Variants in LRRC75B observed in about 807,000 individuals in gnomAD.
LRRC75B encodes leucine rich repeat containing 75B, also known as leucine-rich repeat-containing protein 75B.
A neutral mutation model predicts 16.5 loss-of-function variants in LRRC75B; 20 were observed. The ratio of observed to expected loss-of-function variants is 1.21; its 90% CI spans 0.85 to 1.76. LRRC75B has a LOEUF of 1.76. LRRC75B is among the 40% of genes most tolerant of loss of function. The pLI, the probability that LRRC75B is intolerant of heterozygous loss-of-function variation, is 0.00. For missense variants in LRRC75B, 406 were observed against 417.0 expected (o/e 0.97, Z 0.23); for synonymous variants, 199 against 198.1 (o/e 1.00, Z -0.04).
At chr22:24,588,570 G>A (rs2045471465) in intron 2 of LRRC75B, 1 of 851,256 alleles carries the variant, frequency 1.2e-6, no homozygotes, top group Non-Finnish European at 1.7e-6. Context: ...GTGCCCGGCG[G>A]GAGGAAGCCC....
intron 2 of LRRC75B, chr22:24,589,363 G>A (rs934114290): frequency 5.1e-5 from 58 of 1,127,566 alleles, no homozygotes; most frequent in Non-Finnish European, 6.3e-5. Context: ...GTGAGCACCC[G>A]TCCGCAAGGG....
At chr22:24,586,472 A>G (rs2147149088) in intron 3 of LRRC75B, 61 bp from the exon 4 acceptor site, 2 of 1,523,620 alleles carry the variant, frequency 1.3e-6, no homozygotes, top group Non-Finnish European at 1.8e-6. Flanking sequence ...CACTGACCAC[A>G]GACAGTGACC....
rs1245236357 is a variant in LRRC75B at position 24,592,974 on chromosome 22, G to A, written c.66C>T (p.Gly22=). 3 of 1,167,490 alleles carry A rather than the reference G, an allele frequency of 2.6e-6. No individual in the cohort carries two copies. The highest frequency in any genetic ancestry group is 3.2e-5 in the African/African-American group (2 of 61,836). 72.3% of individuals were successfully genotyped at this position (1,167,490 alleles called of 1,614,324 possible). A position where few individuals can be genotyped will look rare whatever the true frequency, so the allele number is the denominator to read the frequency against. ...EAGSEAGAAA[G]CGPAPYERRV... ...GGCGCTCGTAGGGCGCGGGCCCGCA[G>A]CCGGCCGCCGCCCCGGCCTCAGAGC... The change falls in exon 1 of 4, where the codon GGC becomes GGT. Residue 22 remains glycine (G), a synonymous_variant. Coordinates refer to ENST00000318753, the MANE Select transcript of LRRC75B (RefSeq NM_207644.3).
chr22:24,586,201 G>A lies in LRRC75B; in HGVS notation c.633C>T (p.Thr211=), dbSNP rs763748632. The A allele has an allele frequency of 3.7e-6, 6 of 1,613,664 alleles. No homozygotes were observed. In the South Asian group the frequency reaches 6.6e-5, roughly 18 times the overall value. The change falls in exon 4 of 4, where the codon ACC becomes ACT. Residue 211 remains threonine, a synonymous_variant. Coordinates refer to ENST00000318753, the MANE Select transcript of LRRC75B (RefSeq NM_207644.3). ...LPSLWALPRL[T]QLLLNGNRLT... ...GTCGGTTGCCGTTGAGCAGGAGCTG[G>A]GTGAGGCGGGGCAGCGCCCACAGGC...
chr22:24,592,908 C>A lies in LRRC75B; in HGVS notation c.132G>T (p.Glu44Asp). Residue 44 changes from glutamate (E) to aspartate (D), a missense_variant, in exon 1 of 4, where the codon GAG (glutamate) becomes GAT (aspartate). By Grantham distance (45) the Glu-to-Asp change is conservative (BLOSUM62 2). Coordinates refer to ENST00000318753, the MANE Select transcript of LRRC75B (RefSeq NM_207644.3). ...GCTGCCGGGCGCGCTCCGGCCGCCG[C>A]TCGCGGAGCGTGGACTGGATCTCGC... Reference protein sequence around the residue: ...WLREIQSTLRERRPERARQLL... With the variant: ...WLREIQSTLRDRRPERARQLL... The A allele has an allele frequency of 7.8e-7, 1 of 1,280,058 alleles. No homozygotes were observed. Among genetic ancestry groups the A allele is most frequent in the South Asian group, 2.4e-5 (1 of 42,238 alleles). 79.3% of individuals were successfully genotyped at this position (1,280,058 alleles called of 1,614,324 possible).
In LRRC75B at chr22:24,586,333, G is replaced by A. The variant is rs201901553; in HGVS notation, c.501C>T (p.Asp167=). 4.1e-5 allele frequency: 66 copies of A among 1,613,976 alleles called. No homozygotes were observed. The Admixed American group carries it at 6.0e-4, about 15-fold the overall frequency. The part of the protein sequence containing the change: ...DLSGIPLSTQ[D]VQHITRYLSS... ...TCAGGTAGCGTGTGATGTGTTGCAC[G>A]TCCTGTGTCGACAGCGGGATGCCTG... Residue 167 remains aspartate (D), a synonymous_variant, in exon 4 of 4, where the codon GAC becomes GAT. Transcript: ENST00000318753.
intron 1 of LRRC75B, among the ~76,000 whole-genome samples, chr22:24,591,882 G>A (rs926140368): frequency 3.3e-5 from 5 of 152,196 alleles, no homozygotes; most frequent in African/African-American, 7.2e-5. Flanking sequence ...CCTCTTAAAC[G>A]GACAGCTCCA....
At chr22:24,589,639 C>G (rs1211665250) in intron 2 of LRRC75B, 182 bp downstream of exon 2, 2 of 710,242 alleles carry the variant, frequency 2.8e-6, no homozygotes, top group African/African-American at 1.8e-5. Flanking sequence ...CACACTTGCT[C>G]TAGCTGGTGG....
rs746150678 is a variant in LRRC75B, at chr22:24,586,324, G to A, written c.510C>T (p.His170=). 1.2e-6 allele frequency: 2 copies of A among 1,614,006 alleles called. No homozygotes were observed. The highest frequency in any genetic ancestry group is 1.7e-6 in the Non-Finnish European group (2 of 1,180,054). Residue 170 remains histidine, a synonymous_variant, in exon 4 of 4, where the codon CAC becomes CAT. Coordinates refer to ENST00000318753, the MANE Select transcript of LRRC75B (RefSeq NM_207644.3). The part of the protein sequence containing the change: ...GIPLSTQDVQ[H]ITRYLSSHGA... Reference sequence around the variant, plus strand: ...CATGGCTGCTCAGGTAGCGTGTGATGTGTTGCACGTCCTGTGTCGACAGCG... The same window carrying A: ...CATGGCTGCTCAGGTAGCGTGTGATATGTTGCACGTCCTGTGTCGACAGCG...
rs1362035912 is a variant in LRRC75B at position 24,592,795 on chromosome 22, T to TCCCAGACC, written c.177+60_177+67dup. Reference sequence around the variant, plus strand: ...GGCCCACAACCCATAGCCCCGCGCCTCCCAGACCCCCAGACCCCCAGACCC... The same window carrying TCCCAGACC: ...GGCCCACAACCCATAGCCCCGCGCCTCCCAGACCCCCAGACCCCCAGACCCCCAGACCC... On this transcript the variant is annotated intron_variant, in intron 1 of 3. Transcript: ENST00000318753. 8.7e-5 allele frequency: 110 copies of TCCCAGACC among 1,259,536 alleles called. 1 individual carries two copies. Among genetic ancestry groups the TCCCAGACC allele is most frequent in the African/African-American group, 4.5e-4 (28 of 61,968 alleles). 78.0% of individuals were successfully genotyped at this position (1,259,536 alleles called of 1,614,324 possible). A position where few individuals can be genotyped will look rare whatever the true frequency, so the allele number is the denominator to read the frequency against.
chr22:24,586,267 G>A lies in LRRC75B; in HGVS notation c.567C>T (p.Phe189=), dbSNP rs1467807443. Residue 189 remains phenylalanine, a synonymous_variant, in exon 4 of 4, where the codon TTC becomes TTT. Coordinates refer to ENST00000318753, the MANE Select transcript of LRRC75B (RefSeq NM_207644.3). ...GCAGCAGCTCATCACTCAGCCCCGT[G>A]AAGCTCAGGTCCAGCACCGCCAGCA... The part of the protein sequence containing the change: ...GAVLAVLDLS[F]TGLSDELLHL... The A allele has an allele frequency of 1.9e-6, 3 of 1,613,894 alleles. No homozygotes were observed. In the East Asian group the frequency reaches 6.7e-5, roughly 36 times the overall value.
At position 24,585,831 on chromosome 22, in the gene LRRC75B, A is replaced by T. The variant is rs182424182; in HGVS notation, c.*55T>A. 9.5e-6 allele frequency: 14 copies of T among 1,470,970 alleles called. No individual in the cohort carries two copies. The highest frequency in any genetic ancestry group is 1.3e-5 in the Non-Finnish European group (14 of 1,105,588). The allele number at this position is 1,470,970 out of a possible 1,614,324, so 91.1% of individuals were successfully genotyped here. A position where few individuals can be genotyped will look rare whatever the true frequency, so the allele number is the denominator to read the frequency against. ...TCCTCCTTGACCTTCATCGCCCACT[A>T]TCATGTGCTTGAGAGCATCACAAGT... On this transcript the variant is annotated 3_prime_UTR_variant, in exon 4 of 4. Coordinates refer to ENST00000318753, the MANE Select transcript of LRRC75B (RefSeq NM_207644.3).
At position 24,588,201 on chromosome 22, in the gene LRRC75B, G is replaced by A; in HGVS notation, c.422+13C>T. Reference sequence around the variant, plus strand: ...GCAGCAGTGAGGAGGGGCAGTGGCTGGGCTACCCTTACCAGCTCTGGGTCT... The same window carrying A: ...GCAGCAGTGAGGAGGGGCAGTGGCTAGGCTACCCTTACCAGCTCTGGGTCT... On this transcript the variant is annotated intron_variant, in intron 3 of 3. Transcript: ENST00000318753. The A allele has an allele frequency of 6.3e-7, 1 of 1,599,552 alleles. No homozygotes were observed. The highest frequency in any genetic ancestry group is 8.6e-7 in the Non-Finnish European group (1 of 1,169,226).
intron 1 of LRRC75B, chr22:24,592,316 T>C (rs1225553087): frequency 8.5e-6 from 4 of 469,814 alleles, no homozygotes; most frequent in Non-Finnish European, 1.8e-5. Context: ...GTTGGAGAAC[T>C]GGTGATGCAT....
At chr22:24,592,791 C>A (rs1337330164) in intron 1 of LRRC75B, 72 bp downstream of exon 1, 18 of 1,264,954 alleles carry the variant, frequency 1.4e-5, no homozygotes, top group Middle Eastern at 6.3e-4. Context: ...CATAGCCCCG[C>A]GCCTCCCAGA....
intron 1 of LRRC75B, among the ~76,000 whole-genome samples, chr22:24,591,180 A>G (rs1310922162): frequency 2.6e-5 from 4 of 152,214 alleles, no homozygotes; most frequent in Admixed American, 2.6e-4. Context: ...CCCGGGTTCA[A>G]GCAATTCTCC....
intron 2 of LRRC75B, chr22:24,588,838 G>A: frequency 9.9e-7 from 1 of 1,011,850 alleles, no homozygotes; most frequent in Non-Finnish European, 1.2e-6. Flanking sequence ...ACAGGGCTGG[G>A]GGATGTAATG....
intron 1 of LRRC75B, chr22:24,592,557 C>T: frequency 2.2e-6 from 1 of 450,642 alleles, no homozygotes; most frequent in South Asian, 1.9e-5. Context: ...GCTACCGGGC[C>T]ACCCTCAACA....
At position 24,586,367 on chromosome 22, in the gene LRRC75B, A is replaced by G. The variant is rs201174249; in HGVS notation, c.467T>C (p.Val156Ala). The G allele has an allele frequency of 7.4e-6, 12 of 1,613,848 alleles. No individual in the cohort carries two copies. In the African/African-American group the frequency reaches 1.2e-4, roughly 16 times the overall value. The change falls in exon 4 of 4, where the codon GTG (valine) becomes GCG (alanine). Residue 156 changes from valine (V) to alanine (A), a missense_variant. Transcript: ENST00000318753. ...LQKTLLAGET[V>A]DLSGIPLSTQ... ...CGACAGCGGGATGCCTGAGAGGTCC[A>G]CAGTCTCCCCTGCCAGCAGAGTCTT... is the stretch of plus-strand genomic sequence containing the variant.
Sources: allele counts gnomAD v4.1 joint callset (sites outside exome capture counted in the v4.1 genomes callset), GRCh38; gene constraint gnomAD v4.1.1; transcripts MANE v1.5; gene names NCBI Gene and HGNC (gene_info 2026-07-23, HGNC 2026-07-21).